HS6ST2: variants seen among roughly 807,000 people sequenced by gnomAD.
The protein encoded by HS6ST2 is heparan sulfate 6-O-sulfotransferase 2.
HS6ST2 carries 17 observed loss-of-function variants against 33.0 expected under a neutral mutation model. The observed-to-expected ratio is 0.52, with a 90% CI of 0.35 to 0.77. The LOEUF is 0.77. Among genes scored for constraint, HS6ST2 ranks in the 30% least tolerant of loss-of-function variants. The pLI, the probability that HS6ST2 is intolerant of heterozygous loss-of-function variation, is 0.01. For synonymous variants in HS6ST2, 248 were observed against 237.1 expected, an observed-to-expected ratio of 1.05 and a Z score of -0.42; for missense variants, 519 against 551.7, an observed-to-expected ratio of 0.94 and a Z score of 0.59.
chrX:132,831,561 C>T (rs2065590134), intron 2 of HS6ST2, among the ~76,000 whole-genome samples: 1 of 111,587 alleles, frequency 9.0e-6, no homozygotes, highest in Non-Finnish European at 1.9e-5. Flanking sequence ...TGGACACTGC[C>T]TCTCAGTTCT....
chrX:132,769,675 G>A (rs1373958532), intron 2 of HS6ST2, among the ~76,000 whole-genome samples: 1 of 112,394 alleles, frequency 8.9e-6, no homozygotes, highest in Non-Finnish European at 1.9e-5. Flanking sequence ...ACAATTCCAG[G>A]CCAGCAATAG....
chrX:132,688,639 A>C (rs2148227016), intron 3 of HS6ST2, among the ~76,000 whole-genome samples: 1 of 111,589 alleles, frequency 9.0e-6, no homozygotes, highest in African/African-American at 3.3e-5. Flanking sequence ...GCATGGGGTT[A>C]ACCACCCCCA....
intron 2 of HS6ST2, among the ~76,000 whole-genome samples, chrX:132,881,157 G>A: frequency 9.0e-6 from 1 of 111,165 alleles, no homozygotes; most frequent in Non-Finnish European, 1.9e-5. Flanking sequence ...TGGGATGGCT[G>A]GGTCAAATGG....
chrX:132,755,094 C>A (rs997562034), intron 2 of HS6ST2, among the ~76,000 whole-genome samples: 1 of 109,243 alleles, frequency 9.2e-6, no homozygotes, highest in African/African-American at 3.3e-5. Context: ...TCCTTGAGGG[C>A]AGAGAATCTA....
At chrX:132,710,226 C>T (rs2064219696) in intron 2 of HS6ST2, among the ~76,000 whole-genome samples, 1 of 110,445 alleles carries the variant, frequency 9.1e-6, no homozygotes, top group Admixed American at 9.7e-5. Context: ...GGTGGCCAGT[C>T]ATCAGAAGTG....
At chrX:132,652,497 G>A (rs1449234074) in intron 4 of HS6ST2, among the ~76,000 whole-genome samples, 9 of 111,722 alleles carry the variant, frequency 8.1e-5, no homozygotes, top group Non-Finnish European at 1.7e-4. Context: ...ATACGGGGGA[G>A]AGAGCCCTAT....
In HS6ST2 at chrX:132,893,730, G is replaced by T. The variant is rs181111057; in HGVS notation, c.947+63078C>A. Among the ~76,000 whole-genome samples the T allele has an allele frequency of 5.4e-5, 6 of 111,827 alleles. No homozygotes were observed. The East Asian group carries it at 1.1e-3, about 21-fold the overall frequency. ...TCTGCCTGAAGCCAAGACAGATAGG[G>T]TTGGGGAAGAATGAATATGGCATTG... On this transcript the variant is annotated intron_variant, in intron 2 of 4. Coordinates refer to ENST00000370833, the MANE Select transcript of HS6ST2 (RefSeq NM_001394073.1).
chrX:132,904,559 G>GTC (rs2066454114), intron 2 of HS6ST2, among the ~76,000 whole-genome samples: 1 of 104,971 alleles, frequency 9.5e-6, no homozygotes, highest in African/African-American at 3.5e-5. Flanking sequence ...GTGTGTGTGT[G>GTC]TATAGAGACA....
At chrX:132,945,173 A>C (rs1221016649) in intron 2 of HS6ST2, among the ~76,000 whole-genome samples, 7 of 111,614 alleles carry the variant, frequency 6.3e-5, no homozygotes, top group South Asian at 3.8e-4. Context: ...AAACAAACAA[A>C]CCCATCAACA....
chrX:132,691,114 C>T (rs1162149885), intron 3 of HS6ST2, among the ~76,000 whole-genome samples: 2 of 112,120 alleles, frequency 1.8e-5, no homozygotes, highest in Non-Finnish European at 1.9e-5. Context: ...CTGCTCCCAT[C>T]GAAGAAGGCA....
chrX:132,741,521 A>G (rs1361120944), intron 2 of HS6ST2, among the ~76,000 whole-genome samples: 1 of 110,524 alleles, frequency 9.0e-6, no homozygotes, highest in African/African-American at 3.3e-5. Flanking sequence ...ACCTCAAGTG[A>G]TCCGCCCACC....
chrX:132,787,186 T>C lies in HS6ST2; in HGVS notation c.948-78692A>G, dbSNP rs200578912. On this transcript the variant is annotated intron_variant, in intron 2 of 4. Transcript: ENST00000370833. ...ATATATGTATATATATATATATATATACATATATATATACACATATATATA... is the reference window on the plus strand; with the variant it reads ...ATATATGTATATATATATATATATACACATATATATATACACATATATATA... 2.3e-3 allele frequency among the ~76,000 whole-genome samples: 177 copies of C among 77,142 alleles called. 6 individuals are homozygous for C. The highest frequency in any genetic ancestry group is 8.2e-3 in the East Asian group (18 of 2,187). 67.0% of individuals were successfully genotyped at this position (77,142 alleles called of 115,157 possible).
chrX:132,784,717 AG>A (rs1328048846), intron 2 of HS6ST2, among the ~76,000 whole-genome samples: 1 of 111,822 alleles, frequency 8.9e-6, no homozygotes, highest in African/African-American at 3.3e-5. Flanking sequence ...GCTAAACAAG[AG>A]CCCCCTCTTC....
chrX:132,689,951 T>C (rs900896326), intron 3 of HS6ST2, among the ~76,000 whole-genome samples: 5 of 111,098 alleles, frequency 4.5e-5, no homozygotes, highest in Non-Finnish European at 5.7e-5. Flanking sequence ...CCCAAGACAA[T>C]TATCCTTCTT....
intron 3 of HS6ST2, among the ~76,000 whole-genome samples, chrX:132,695,269 CA>C (rs1318973800): frequency 9.0e-6 from 1 of 111,545 alleles, no homozygotes; most frequent in Non-Finnish European, 1.9e-5. Flanking sequence ...CCAGTGATGG[CA>C]AAAACCTCTT....
chrX:132,897,983 G>C (rs984826664), intron 2 of HS6ST2, among the ~76,000 whole-genome samples: 1 of 111,565 alleles, frequency 9.0e-6, no homozygotes, highest in African/African-American at 3.3e-5. Context: ...AGGCTGCACA[G>C]CAGGTGGTGA....
chrX:132,667,726 C>T (rs757967089), intron 4 of HS6ST2: 1 of 112,186 alleles, frequency 8.9e-6, no homozygotes, highest in South Asian at 3.7e-4. Context: ...TTTGGTGTGA[C>T]AGGTAGGTAC....
intron 2 of HS6ST2, among the ~76,000 whole-genome samples, chrX:132,808,994 T>C (rs1454472766): frequency 9.0e-6 from 1 of 111,653 alleles, no homozygotes; most frequent in Non-Finnish European, 1.9e-5. Context: ...GTTTGTTTGT[T>C]TGTTTTTTGA....
In HS6ST2 at chrX:132,847,611, C is replaced by T. The variant is rs1348421864; in HGVS notation, c.947+109197G>A. ...TAAGTATAAAGACGGAGATCATCAA[C>T]ACTAGTGAGACCACATCTGAACATT... On this transcript the variant is annotated intron_variant, in intron 2 of 4. Coordinates refer to ENST00000370833, the MANE Select transcript of HS6ST2 (RefSeq NM_001394073.1). Among the ~76,000 whole-genome samples, 9 of 111,722 alleles carry T rather than the reference C, an allele frequency of 8.1e-5. No individual in the cohort carries two copies. The Admixed American group carries it at 8.6e-4, about 11-fold the overall frequency.
Sources: gnomAD v4.1 joint callset for allele counts (sites outside exome capture counted in the v4.1 genomes callset) on GRCh38, gnomAD v4.1.1 for gene constraint, MANE v1.5 for transcripts, NCBI Gene and HGNC (gene_info 2026-07-23, HGNC 2026-07-21) for gene names.